PIWIL4: variants seen among roughly 807,000 people sequenced by gnomAD.
The protein encoded by PIWIL4 is piwi like RNA-mediated gene silencing 4, also known as piwi-like protein 4.
PIWIL4 carries 50 observed loss-of-function variants against 100.9 expected under a neutral mutation model. The observed-to-expected ratio is 0.50, with a 90% CI of 0.39 to 0.63. The LOEUF is 0.63. PIWIL4 is among the 20% of genes least tolerant of loss of function. The probability of loss-of-function intolerance (pLI) is 0.00; values close to 1 mark genes in which losing one functional copy is unlikely to be tolerated. For synonymous variants in PIWIL4, 342 were observed against 367.5 expected, an observed-to-expected ratio of 0.93 and a Z score of 0.79; for missense variants, 887 against 1,043.3, an observed-to-expected ratio of 0.85 and a Z score of 2.06.
chr11:94,596,303 T>G (rs939481988), intron 10 of PIWIL4, among the ~76,000 whole-genome samples: 4 of 151,908 alleles, frequency 2.6e-5, no homozygotes, highest in Admixed American at 6.6e-5. Flanking sequence ...CATGGAGGAT[T>G]TGGAAACTTA....
intron 15 of PIWIL4, 48 bp from the exon 16 acceptor site, chr11:94,616,445 A>G (rs1948848001): frequency 7.1e-7 from 1 of 1,417,280 alleles, no homozygotes; most frequent in Non-Finnish European, 9.7e-7. Context: ...TATTTATGGT[A>G]GAAAAATTGA....
chr11:94,612,554 TA>T (rs1948799202), intron 15 of PIWIL4, among the ~76,000 whole-genome samples: 1 of 152,178 alleles, frequency 6.6e-6, no homozygotes, highest in African/African-American at 2.4e-5. Context: ...AAAATATTGA[TA>T]AGTGATGACT....
intron 9 of PIWIL4, among the ~76,000 whole-genome samples, chr11:94,594,977 C>T (rs1238259643): frequency 1.3e-5 from 2 of 152,186 alleles, no homozygotes; most frequent in Admixed American, 6.5e-5. Context: ...AGGTGTAAAA[C>T]ACAGCCCAGA....
intron 8 of PIWIL4, among the ~76,000 whole-genome samples, chr11:94,593,035 C>G (rs1004888420): frequency 6.6e-6 from 1 of 152,184 alleles, no homozygotes; most frequent in Non-Finnish European, 1.5e-5. Context: ...ATCCTACTAT[C>G]CTAGAAGGTA....
Position 94,601,943 on chromosome 11 carries a change from C to T in PIWIL4, c.1529C>T (p.Ala510Val). Residue 510 changes from alanine to valine, a missense_variant, in exon 12 of 20, where the codon GCA becomes GTA. By Grantham distance (64) the Ala-to-Val change is moderately conservative. Coordinates refer to ENST00000299001, the MANE Select transcript of PIWIL4 (RefSeq NM_152431.3). ...TTTCTGAACTGCTTGAGAAGAGTTGCAGGTTCCATGGGATTTAATGTGGAC... is the reference window on the plus strand; with the variant it reads ...TTTCTGAACTGCTTGAGAAGAGTTGTAGGTTCCATGGGATTTAATGTGGAC... ...ESFLNCLRRV[A>V]GSMGFNVDYP... is the part of the protein sequence containing the mutation. The T allele has an allele frequency of 5.0e-6, 8 of 1,612,824 alleles. No individual in the cohort carries two copies. The highest frequency in any genetic ancestry group is 5.9e-6 in the Non-Finnish European group (7 of 1,179,786).
At chr11:94,591,085 C>G (rs1231099878) in intron 8 of PIWIL4, among the ~76,000 whole-genome samples, 1 of 152,206 alleles carries the variant, frequency 6.6e-6, no homozygotes, top group Admixed American at 6.5e-5. Context: ...TGTGCCTGCA[C>G]TTTGTGAGCA....
chr11:94,608,491 C>T, intron 14 of PIWIL4, 92 bp from the exon 15 acceptor site: 1 of 1,033,022 alleles, frequency 9.7e-7, no homozygotes, highest in Non-Finnish European at 1.5e-6. Flanking sequence ...AATTCAGTAA[C>T]TGGAGTCTGT....
intron 13 of PIWIL4, among the ~76,000 whole-genome samples, chr11:94,605,595 A>G (rs928064925): frequency 2.0e-5 from 3 of 152,134 alleles, no homozygotes; most frequent in African/African-American, 7.2e-5. Context: ...TTCCTCATCA[A>G]ACTTTTACCC....
chr11:94,567,555 G>C lies in PIWIL4; in HGVS notation c.37G>C (p.Ala13Pro). The C allele has an allele frequency of 6.2e-7, 1 of 1,605,864 alleles. No homozygotes were observed. The highest frequency in any genetic ancestry group is 2.2e-5 in the East Asian group (1 of 44,648). ...AGCCCGAGTGAAGGCCAGAGGCATC[G>C]CCCGCAGCCCCAGTGCCACAGAAGT... ...GRARVKARGIARSPSATEVGR... is the reference protein window; with the variant it reads ...GRARVKARGIPRSPSATEVGR... The change falls in exon 1 of 20, where the codon GCC (alanine) becomes CCC (proline). Residue 13 changes from alanine to proline, a missense_variant. Coordinates refer to ENST00000299001, the MANE Select transcript of PIWIL4 (RefSeq NM_152431.3).
intron 12 of PIWIL4, among the ~76,000 whole-genome samples, chr11:94,602,867 C>T (rs1031083248): frequency 6.6e-5 from 10 of 152,190 alleles, no homozygotes; most frequent in East Asian, 1.9e-4. Flanking sequence ...TTCACCCGCT[C>T]TACTTTCTCT....
chr11:94,600,823 A>T (rs1948627106), intron 11 of PIWIL4, among the ~76,000 whole-genome samples: 1 of 152,044 alleles, frequency 6.6e-6, no homozygotes, highest in Non-Finnish European at 1.5e-5. Context: ...TTTCTCAGGG[A>T]TGTTCCTTGC....
At chr11:94,593,824 C>T (rs1670857278) in intron 9 of PIWIL4, among the ~76,000 whole-genome samples, 183 bp downstream of exon 9, 1 of 152,242 alleles carries the variant, frequency 6.6e-6, no homozygotes, top group Admixed American at 6.5e-5. Flanking sequence ...CCCTTTATCT[C>T]ATATATTCCA....
chr11:94,599,244 G>A (rs72965819), intron 11 of PIWIL4, among the ~76,000 whole-genome samples: 36,381 of 152,068 alleles, frequency 0.24, 4,573 homozygotes, highest in African/African-American at 0.28. Context: ...AAGTAAAGTC[G>A]TATTTCCCAG....
intron 13 of PIWIL4, among the ~76,000 whole-genome samples, chr11:94,605,820 G>C (rs905693788): frequency 6.6e-6 from 1 of 151,930 alleles, no homozygotes; most frequent in African/African-American, 2.4e-5. Context: ...TATTTATTTT[G>C]TTGCTCTTAA....
chr11:94,567,485 C>A lies in PIWIL4; in HGVS notation c.-34C>A, dbSNP rs374228173. On this transcript the variant is annotated 5_prime_UTR_variant, in exon 1 of 20. Coordinates refer to ENST00000299001, the MANE Select transcript of PIWIL4 (RefSeq NM_152431.3). ...AAAACATATCCTAACTGAGACTTTG[C>A]AGCTCTTGTGGCCACTCTGGGCTCA... is the stretch of plus-strand genomic sequence containing the variant. The A allele has an allele frequency of 2.0e-6, 3 of 1,506,714 alleles. No individual in the cohort carries two copies. In the African/African-American group the frequency reaches 4.1e-5, roughly 21 times the overall value. The allele number at this position is 1,506,714 out of a possible 1,614,324, so 93.3% of individuals were successfully genotyped here.
intron 13 of PIWIL4, among the ~76,000 whole-genome samples, chr11:94,605,134 C>A (rs1303409987): frequency 6.6e-6 from 1 of 152,196 alleles, no homozygotes; most frequent in East Asian, 1.9e-4. Flanking sequence ...TTTCTATAAA[C>A]AAGGTCTCTA....
chr11:94,570,950 T>C (rs1403286410), intron 2 of PIWIL4, among the ~76,000 whole-genome samples: 1 of 152,074 alleles, frequency 6.6e-6, no homozygotes, highest in African/African-American at 2.4e-5. Context: ...TCTTTTGTTC[T>C]GACCCCGGTG....
chr11:94,620,958 G>A lies in PIWIL4; in HGVS notation c.2525G>A (p.Ser842Asn), dbSNP rs1463155922. Residue 842 changes from serine (S) to asparagine (N), a missense_variant, in exon 20 of 20, where the codon AGT becomes AAT. Ser to Asn is a conservative substitution (Grantham distance 46, BLOSUM62 1). Transcript: ENST00000299001. ...LVAQSIHKEP[S>N]LELANHLFYL ...GCACAAAGCATTCATAAAGAACCCA[G>A]TCTGGAATTAGCCAACCATCTCTTC... 6.2e-7 allele frequency: 1 copy of A among 1,613,538 alleles called. No individual in the cohort carries two copies. Among genetic ancestry groups the A allele is most frequent in the Non-Finnish European group, 8.5e-7 (1 of 1,179,930 alleles).
At chr11:94,576,144 C>CT (rs1381495039) in intron 3 of PIWIL4, among the ~76,000 whole-genome samples, 2 of 151,968 alleles carry the variant, frequency 1.3e-5, no homozygotes, top group East Asian at 1.9e-4. Context: ...CTTTTCTTTT[C>CT]TTTTTTTGGA....
Sources: gnomAD v4.1 joint callset for allele counts (sites outside exome capture counted in the v4.1 genomes callset) on GRCh38, gnomAD v4.1.1 for gene constraint, MANE v1.5 for transcripts, NCBI Gene and HGNC (gene_info 2026-07-23, HGNC 2026-07-21) for gene names.